SBNO2: variants seen among roughly 807,000 people sequenced by gnomAD.
The protein encoded by SBNO2 is protein strawberry notch homolog 2.
In SBNO2, 89 loss-of-function variants were observed where a neutral mutation model predicts 146.3. That is an observed-to-expected ratio of 0.61 (90% CI 0.51 to 0.73). SBNO2 has a LOEUF of 0.73. Ranked by LOEUF, SBNO2 falls within the 30% of genes least tolerant of loss-of-function variation. The pLI is 0.00. For missense variants in SBNO2, 2,092 were observed against 2,003.7 expected (o/e 1.04, Z -0.84); for synonymous variants, 1,147 against 892.6 (o/e 1.29, Z -5.08).
intron 4 of SBNO2, among the ~76,000 whole-genome samples, chr19:1,146,532 C>T (rs1364010540): frequency 6.6e-6 from 1 of 152,042 alleles, no homozygotes; most frequent in Non-Finnish European, 1.5e-5. Context: ...GAGCTGAGCA[C>T]CAGGTGACCC....
At chr19:1,168,126 G>A (rs1208015599) in intron 1 of SBNO2, among the ~76,000 whole-genome samples, 3 of 152,104 alleles carry the variant, frequency 2.0e-5, no homozygotes, top group Admixed American at 6.5e-5. Context: ...ACAAGTCTGC[G>A]TTTGAGGGTG....
rs777043340 is a variant in SBNO2, at chr19:1,108,707, G to A, written c.3617-3C>T. 1.3e-6 allele frequency: 2 copies of A among 1,554,534 alleles called. No individual in the cohort carries two copies. Among genetic ancestry groups the A allele is most frequent in the South Asian group, 2.3e-5 (2 of 85,764 alleles). On this transcript the variant is annotated splice_region_variant and splice_polypyrimidine_tract_variant and intron_variant, in intron 31 of 31. Coordinates refer to ENST00000361757, the MANE Select transcript of SBNO2 (RefSeq NM_014963.3). ...GCAGCCCTCGGGGATCTTGATGCCT[G>A]CGGGCAGAGCGTCGGGGTCAGGGCC...
intron 4 of SBNO2, 128 bp from the exon 5 acceptor site, chr19:1,127,893 A>G: frequency 1.2e-6 from 1 of 810,866 alleles, no homozygotes; most frequent in Non-Finnish European, 2.0e-6. Flanking sequence ...AATGGGAGAC[A>G]CCACGGCCCT....
In SBNO2 at chr19:1,112,360, G is replaced by GGGGGC; in HGVS notation, c.2515+37_2515+41dup. On this transcript the variant is annotated intron_variant, in intron 21 of 31. Coordinates refer to ENST00000361757, the MANE Select transcript of SBNO2 (RefSeq NM_014963.3). This position sits in a 1 kb window ranked among gnomAD's most constrained non-coding sequence, Gnocchi z 5.9. Reference sequence around the variant, plus strand: ...GCGGGGGCGGGGCCGAGACCATGTTGGGGGCGGGGCCAGGCAGCGCTGGGG... The same window carrying GGGGGC: ...GCGGGGGCGGGGCCGAGACCATGTTGGGGGCGGGGCGGGGCCAGGCAGCGCTGGGG... 4 of 1,570,898 alleles carry GGGGGC rather than the reference G, an allele frequency of 2.5e-6. No homozygotes were observed. Among genetic ancestry groups the GGGGGC allele is most frequent in the Non-Finnish European group, 3.4e-6 (4 of 1,161,186 alleles).
intron 4 of SBNO2, among the ~76,000 whole-genome samples, chr19:1,142,398 C>T (rs2080149694): frequency 6.6e-6 from 1 of 152,230 alleles, no homozygotes. Context: ...TCTGCTTTCT[C>T]CTATTGCTCT....
Position 1,157,857 on chromosome 19 carries a change from T to C in SBNO2, c.-126-3455A>G, listed in dbSNP as rs369446365. On this transcript the variant is annotated intron_variant, in intron 1 of 31. Coordinates refer to ENST00000361757, the MANE Select transcript of SBNO2 (RefSeq NM_014963.3). The surrounding 1 kb of genome is among the most constrained non-coding windows in gnomAD (Gnocchi z 6.8). ...TGCGTCCGCCTCCCAGCTCTCTCTC[T>C]TGAGTCCGGGTAACTGCATCTGCCT... 4.0e-4 allele frequency among the ~76,000 whole-genome samples: 53 copies of C among 133,352 alleles called. No homozygotes were observed. Among genetic ancestry groups the C allele is most frequent in the African/African-American group, 1.1e-3 (41 of 35,892 alleles). The allele number at this position is 133,352 out of a possible 152,430, so 87.5% of individuals were successfully genotyped here.
intron 18 of SBNO2, 68 bp from the exon 19 acceptor site, chr19:1,113,772 C>A: frequency 1.4e-6 from 2 of 1,398,032 alleles, no homozygotes; most frequent in Non-Finnish European, 1.9e-6. Flanking sequence ...TAACTCAAGG[C>A]TGGCCCCTGG....
At chr19:1,114,768 G>A (rs1224400818) in intron 17 of SBNO2, among the ~76,000 whole-genome samples, 1 of 152,148 alleles carries the variant, frequency 6.6e-6, no homozygotes, top group Admixed American at 6.5e-5. Flanking sequence ...CTGAGTAGGT[G>A]GGATTACAGG....
chr19:1,159,086 A>AC (rs934426891), intron 1 of SBNO2, among the ~76,000 whole-genome samples: 1 of 151,960 alleles, frequency 6.6e-6, no homozygotes, highest in African/African-American at 2.4e-5. Context: ...CACAGCCGTG[A>AC]CCCCACCTGC....
Position 1,108,941 on chromosome 19 carries a change from C to A in SBNO2, c.3454G>T (p.Gly1152Cys). 1.3e-6 allele frequency: 2 copies of A among 1,557,318 alleles called. No homozygotes were observed. Among genetic ancestry groups the A allele is most frequent in the Non-Finnish European group, 8.6e-7 (1 of 1,158,508 alleles). The change falls in exon 31 of 32, where the codon GGT becomes TGT. Residue 1152 changes from glycine to cysteine, a missense_variant. Transcript: ENST00000361757. The stretch of plus-strand genomic sequence containing the variant: ...CGCAGCCCCTGCAGGCAGTCCTTAC[C>A]CTCCTGCGCCAGCCGGCAGTGCCGG... Reference protein sequence around the residue: ...WNRHCRLAQEGKDCLQGLRLR... With the variant: ...WNRHCRLAQECKDCLQGLRLR...
rs926003280 is a variant in SBNO2, at chr19:1,119,946, G to C, written c.1227C>G (p.Asn409Lys). The C allele has an allele frequency of 1.3e-6, 2 of 1,550,250 alleles. No individual in the cohort carries two copies. The highest frequency in any genetic ancestry group is 2.7e-5 in the African/African-American group (2 of 73,064). Residue 409 changes from asparagine to lysine, a missense_variant, in exon 12 of 32, where the codon AAC (asparagine) becomes AAG (lysine). By Grantham distance (94) the Asn-to-Lys change is moderately conservative (BLOSUM62 0). Transcript: ENST00000361757. ...KMGKAVLDLQNKLPLARVVYA... is the reference protein window; with the variant it reads ...KMGKAVLDLQKKLPLARVVYA... ...AGACCACGCGGGCCAGGGGCAGCTT[G>C]TTCTGCAGGTCTAGCACAGCCTTGC...
At chr19:1,162,543 T>C (rs118049399) in intron 1 of SBNO2, among the ~76,000 whole-genome samples, 1 of 151,298 alleles carries the variant, frequency 6.6e-6, no homozygotes, top group Non-Finnish European at 1.5e-5. Context: ...CTCTCACCCA[T>C]ACGAGCCTGC....
rs2080029424 is a variant in SBNO2 at position 1,131,638 on chromosome 19, G to A, written c.280-3873C>T. ...AGCCAGCCCTGACCAGGCCCACCCAGCCTCCGCTCCCTACAAGAGCCCCAT... is the reference window on the plus strand; with the variant it reads ...AGCCAGCCCTGACCAGGCCCACCCAACCTCCGCTCCCTACAAGAGCCCCAT... On this transcript the variant is annotated intron_variant, in intron 4 of 31. Transcript: ENST00000361757. 2.0e-5 allele frequency among the ~76,000 whole-genome samples: 3 copies of A among 152,166 alleles called. No individual in the cohort carries two copies. In the South Asian group the frequency reaches 6.2e-4, roughly 31 times the overall value.
Position 1,116,116 on chromosome 19 carries a change from C to A in SBNO2, c.1803-13G>T, listed in dbSNP as rs201315123. 309 of 1,601,226 alleles carry A rather than the reference C, an allele frequency of 1.9e-4. 1 individual carries two copies. The African/African-American group carries it at 3.5e-3, about 18-fold the overall frequency. On this transcript the variant is annotated splice_polypyrimidine_tract_variant and intron_variant, in intron 16 of 31. Transcript: ENST00000361757. ...CAGGAACACGCCTCTGAAAGTGAGA[C>A]GCGGAGTTTATTCTCACACGAGGAG...
intron 1 of SBNO2, among the ~76,000 whole-genome samples, chr19:1,166,329 G>C (rs1232036847): frequency 1.3e-5 from 2 of 152,070 alleles, no homozygotes; most frequent in African/African-American, 4.8e-5. Context: ...CCTCCAGGCC[G>C]GGCTGCGGGG....
rs1045256426 is a variant in SBNO2 at position 1,126,493 on chromosome 19, G to A, written c.441+1111C>T. Reference sequence around the variant, plus strand: ...CGGGCTGGGTGAAATGCTCTGCTGGGCCCTTGTGCCAGAGGGACCAAGCCT... The same window carrying A: ...CGGGCTGGGTGAAATGCTCTGCTGGACCCTTGTGCCAGAGGGACCAAGCCT... On this transcript the variant is annotated intron_variant, in intron 5 of 31. Transcript: ENST00000361757. The surrounding 1 kb of genome is among the most constrained non-coding windows in gnomAD (Gnocchi z 4.4). Among the ~76,000 whole-genome samples the A allele has an allele frequency of 1.3e-5, 2 of 152,162 alleles. No homozygotes were observed. Among genetic ancestry groups the A allele is most frequent in the African/African-American group, 4.8e-5 (2 of 41,436 alleles).
At chr19:1,142,994 G>A (rs1195959413) in intron 4 of SBNO2, among the ~76,000 whole-genome samples, 7 of 152,168 alleles carry the variant, frequency 4.6e-5, no homozygotes, top group African/African-American at 7.2e-5. Context: ...TAGCTGTCTC[G>A]TTATGGCCTG....
chr19:1,152,487 A>T (rs2080251965), intron 2 of SBNO2, among the ~76,000 whole-genome samples: 1 of 152,114 alleles, frequency 6.6e-6, no homozygotes, highest in South Asian at 2.1e-4. Flanking sequence ...TGGCTTGGCC[A>T]GTCCCCTTTA....
At chr19:1,128,262 G>C in intron 4 of SBNO2, 1 of 480,660 alleles carries the variant, frequency 2.1e-6, no homozygotes. Flanking sequence ...AGCAGCTCGG[G>C]TCTGGGGTGA....
Sources: gnomAD v4.1 joint callset for allele counts (sites outside exome capture counted in the v4.1 genomes callset) on GRCh38, gnomAD v4.1.1 for gene constraint, Gnocchi (gnomAD v3.1) non-coding constraint, MANE v1.5 for transcripts, NCBI Gene and HGNC (gene_info 2026-07-23, HGNC 2026-07-21) for gene names.